The following MACF1 variants were observed in gnomAD, a reference collection of about 807,000 sequenced individuals.
MACF1 encodes microtubule-actin cross-linking factor 1.
Under a neutral mutation model 854.8 loss-of-function variants are expected in MACF1, and 193 were observed. The ratio of observed to expected loss-of-function variants is 0.23; its 90% CI spans 0.20 to 0.25. The LOEUF (loss-of-function observed/expected upper bound fraction) is 0.25, where lower values mean the gene tolerates loss of function less well. Among genes scored for constraint, MACF1 ranks in the 10% least tolerant of loss-of-function variants. The pLI is 1.00. For synonymous variants in MACF1, 3,185 were observed against 3,226.7 expected (o/e 0.99, Z 0.44); for missense variants, 7,722 against 8,929.1 (o/e 0.86, Z 5.45).
At chr1:39,218,823 C>A (rs1644610651) in intron 1 of MACF1, among the ~76,000 whole-genome samples, 3 of 152,080 alleles carry the variant, frequency 2.0e-5, no homozygotes, top group South Asian at 2.1e-4. Context: ...CTCTGTTGTC[C>A]AGGCTGGAGT....
intron 6 of MACF1, among the ~76,000 whole-genome samples, chr1:39,265,357 G>A (rs937928104): frequency 2.6e-5 from 4 of 152,098 alleles, no homozygotes; most frequent in Admixed American, 6.5e-5. Flanking sequence ...AAAGGAGAAG[G>A]CATAAAGAAT....
Position 39,452,697 on chromosome 1 carries a change from G to C in MACF1, c.20627G>C (p.Arg6876Pro). The change falls in exon 87 of 101, where the codon CGA becomes CCA. Residue 6876 changes from arginine (R) to proline (P), a missense_variant. Around this residue, in one of 15 missense-constraint regions of MACF1, gnomAD observed 729 missense variants for 900.5 expected, o/e 0.81. Coordinates refer to ENST00000564288, the MANE Select transcript of MACF1 (RefSeq NM_001394062.1). ...EQALKQAEVFRDTVHMLLEWL... is the reference protein window; with the variant it reads ...EQALKQAEVFPDTVHMLLEWL... The stretch of plus-strand genomic sequence containing the variant: ...TGGTTATTTCAGGCGGAAGTGTTTC[G>C]AGACACAGTCCACATGCTGTTGGAG... 1 of 1,613,088 alleles carries C rather than the reference G, an allele frequency of 6.2e-7. No individual in the cohort carries two copies. Among genetic ancestry groups the C allele is most frequent in the Non-Finnish European group, 8.5e-7 (1 of 1,179,998 alleles).
At chr1:39,348,408 A>G (rs991157700) in intron 41 of MACF1, among the ~76,000 whole-genome samples, 15 of 152,202 alleles carry the variant, frequency 9.9e-5, no homozygotes, top group African/African-American at 3.6e-4. Context: ...AATTAATTCC[A>G]CAATGCTTAT....
chr1:39,121,808 A>C (rs1325527557), intron 2 of MACF1, among the ~76,000 whole-genome samples: 1 of 152,180 alleles, frequency 6.6e-6, no homozygotes, highest in Non-Finnish European at 1.5e-5. Flanking sequence ...ACTAGATTTT[A>C]CAGATGAGAG....
chr1:39,300,397 G>C lies in MACF1; in HGVS notation c.2634+35G>C, dbSNP rs145251509. On this transcript the variant is annotated intron_variant, in intron 22 of 100. Transcript: ENST00000564288. The stretch of plus-strand genomic sequence containing the variant: ...TAGAAAGGGTACCTCTGGGCCACAG[G>C]GGGAAGGAAGAAAGAAGGGAAGCCT... 1,435 of 1,584,416 alleles carry C rather than the reference G, an allele frequency of 9.1e-4. 16 individuals carry two copies. In the African/African-American group the frequency reaches 0.017, roughly 19 times the overall value.
chr1:39,105,815 G>T lies in MACF1; in HGVS notation c.220+21377G>T. Reference sequence around the variant, plus strand: ...GCGGCTGCAGGTGGGGCGGCCGGGCGGGGTCGCACCCACCGCGCGGGGCTT... The same window carrying T: ...GCGGCTGCAGGTGGGGCGGCCGGGCTGGGTCGCACCCACCGCGCGGGGCTT... On this transcript the variant is annotated intron_variant, in intron 2 of 93. Transcript: ENST00000361689. This position sits in a 1 kb window ranked among gnomAD's most constrained non-coding sequence, Gnocchi z 5.9. 1.1e-6 allele frequency: 1 copy of T among 935,550 alleles called. No individual in the cohort carries two copies. The highest frequency in any genetic ancestry group is 1.3e-6 in the Non-Finnish European group (1 of 783,028). 58.0% of individuals were successfully genotyped at this position (935,550 alleles called of 1,614,324 possible). A position where few individuals can be genotyped will look rare whatever the true frequency, so the allele number is the denominator to read the frequency against.
chr1:39,215,032 C>T (rs1034939502), intron 1 of MACF1, among the ~76,000 whole-genome samples: 1 of 152,232 alleles, frequency 6.6e-6, no homozygotes, highest in African/African-American at 2.4e-5. Flanking sequence ...CATACCTTGA[C>T]TGGACTTTTG....
chr1:39,311,924 C>T (rs760827117), intron 26 of MACF1, among the ~76,000 whole-genome samples: 1 of 151,960 alleles, frequency 6.6e-6, no homozygotes, highest in Non-Finnish European at 1.5e-5. Flanking sequence ...TCTATTTTTT[C>T]CCCCCAAACC....
At chr1:39,293,925 C>G (rs1645846978) in intron 18 of MACF1, among the ~76,000 whole-genome samples, 1 of 151,994 alleles carries the variant, frequency 6.6e-6, no homozygotes, top group Non-Finnish European at 1.5e-5. Flanking sequence ...TTTGGAGTGC[C>G]TAAGTTCAAA....
In MACF1 at chr1:39,337,180, A is replaced by G; in HGVS notation, c.10066-2A>G. On this transcript the variant is annotated splice_acceptor_variant, in intron 37 of 100. Coordinates refer to ENST00000564288, the MANE Select transcript of MACF1 (RefSeq NM_001394062.1). LOFTEE classifies it high-confidence loss of function. ...GAGTCAGCTTTCTTTTTGGCTCCAC[A>G]GAATGTATTTACCCGGCAACTCTGT... 1.2e-6 allele frequency: 2 copies of G among 1,611,026 alleles called. No homozygotes were observed. Among genetic ancestry groups the G allele is most frequent in the Non-Finnish European group, 1.7e-6 (2 of 1,178,552 alleles).
chr1:39,303,155 A>G (rs1477978722), intron 23 of MACF1, 77 bp downstream of exon 23: 9 of 1,509,586 alleles, frequency 6.0e-6, no homozygotes, highest in Non-Finnish European at 8.1e-6. Context: ...ATGAGTGTGC[A>G]TTTGTGATGT....
rs1024665704 is a variant in MACF1 at position 39,409,191 on chromosome 1, C to T, written c.15817-13183C>T. 1.3e-5 allele frequency among the ~76,000 whole-genome samples: 2 copies of T among 152,038 alleles called. No homozygotes were observed. Among genetic ancestry groups the T allele is most frequent in the Admixed American group, 1.3e-4 (2 of 15,272 alleles). The stretch of plus-strand genomic sequence containing the variant: ...CAGCCAGAAGTTTGCATGCCGGGAC[C>T]GTGACAGCTGCGGGCGGGGAGGACG... On this transcript the variant is annotated intron_variant, in intron 58 of 100. Coordinates refer to ENST00000564288, the MANE Select transcript of MACF1 (RefSeq NM_001394062.1). This position sits in a 1 kb window ranked among gnomAD's most constrained non-coding sequence, Gnocchi z 4.2.
chr1:39,441,339 A>T lies in MACF1; in HGVS notation c.18672+14A>T. On this transcript the variant is annotated intron_variant, in intron 74 of 100. Transcript: ENST00000564288. The stretch of plus-strand genomic sequence containing the variant: ...GACACTCTTCAGGTGAGAGGCCAGG[A>T]GGTGACCACCAAGGAAATACAGGTT... 6.3e-7 allele frequency: 1 copy of T among 1,599,596 alleles called. No homozygotes were observed. Among genetic ancestry groups the T allele is most frequent in the East Asian group, 2.2e-5 (1 of 44,814 alleles).
intron 23 of MACF1, among the ~76,000 whole-genome samples, chr1:39,305,260 CAAAA>C (rs925943198): frequency 6.1e-5 from 4 of 66,070 alleles, no homozygotes; most frequent in Admixed American, 1.6e-4. Context: ...GACTCTGTCT[CAAAA>C]AAAAAAAAAA....
At chr1:39,341,957 G>A (rs1557598875) in intron 40 of MACF1, among the ~76,000 whole-genome samples, 2 of 151,924 alleles carry the variant, frequency 1.3e-5, no homozygotes, top group Non-Finnish European at 2.9e-5. Flanking sequence ...TAGGTAAACT[G>A]CATGTCATGA....
intron 87 of MACF1, among the ~76,000 whole-genome samples, chr1:39,453,319 T>A (rs1644374134): frequency 6.6e-6 from 1 of 152,362 alleles, no homozygotes; most frequent in Admixed American, 6.5e-5. Context: ...GGGTATTTTT[T>A]AAAATCATGG....
intron 2 of MACF1, among the ~76,000 whole-genome samples, chr1:39,135,061 C>A (rs1429649766): frequency 6.6e-6 from 1 of 152,150 alleles, no homozygotes; most frequent in Non-Finnish European, 1.5e-5. Context: ...GTGTCTGGCT[C>A]ATTTCATGTA....
chr1:39,266,594 C>CTTTTTTTTTTTTTTTTTT (rs11406070), intron 6 of MACF1, among the ~76,000 whole-genome samples: 1 of 58,126 alleles, frequency 1.7e-5, no homozygotes, highest in Admixed American at 2.6e-4. Context: ...TGGTCTTTTC[C>CTTTTTTTTTTTTTTTTTT]TTTTTTTTTT....
chr1:39,485,810 C>T lies in MACF1; in HGVS notation c.*16C>T. On this transcript the variant is annotated 3_prime_UTR_variant, in exon 101 of 101. Transcript: ENST00000564288. ...CAAGCGATAACACTGTCTAAGCACC[C>T]CCAAGCCACTATCCACTTTGAATCC... 2.6e-6 allele frequency: 4 copies of T among 1,560,678 alleles called. No homozygotes were observed. In the African/African-American group the frequency reaches 4.1e-5, roughly 16 times the overall value.
Sources: gnomAD v4.1 joint callset for allele counts (sites outside exome capture counted in the v4.1 genomes callset) on GRCh38, gnomAD v4.1.1 for gene constraint, gnomAD v4.1.1 regional missense constraint, Gnocchi (gnomAD v3.1) non-coding constraint, MANE v1.5 for transcripts, NCBI Gene and HGNC (gene_info 2026-07-23, HGNC 2026-07-21) for gene names.